DAB1: variants seen among roughly 807,000 people sequenced by gnomAD.
DAB1 encodes the protein disabled homolog 1.
DAB1 carries 15 observed loss-of-function variants against 64.6 expected under a neutral mutation model. That is an observed-to-expected ratio of 0.23 (90% CI 0.16 to 0.36). The LOEUF (loss-of-function observed/expected upper bound fraction) is 0.36, where lower values mean the gene tolerates loss of function less well. DAB1 is among the 10% of genes least tolerant of loss of function. The pLI, the probability that DAB1 is intolerant of heterozygous loss-of-function variation, is 1.00. For missense variants in DAB1, 596 were observed against 706.7 expected (o/e 0.84, Z 1.78); for synonymous variants, 235 against 251.9 (o/e 0.93, Z 0.64).
At chr1:57,840,928 A>G (rs1653020518) in intron 1 of DAB1, among the ~76,000 whole-genome samples, 1 of 152,206 alleles carries the variant, frequency 6.6e-6, no homozygotes, top group African/African-American at 2.4e-5. Flanking sequence ...CCTTCCCAAC[A>G]GTCCCTCAAA....
At chr1:57,780,904 T>C (rs1386381236) in intron 6 of DAB1, among the ~76,000 whole-genome samples, 2 of 151,476 alleles carry the variant, frequency 1.3e-5, no homozygotes, top group African/African-American at 4.8e-5. Context: ...TTTTTTGTAT[T>C]TTTAGTAGAG....
intron 1 of DAB1, among the ~76,000 whole-genome samples, chr1:57,368,048 C>A (rs1055094865): frequency 1.1e-4 from 17 of 152,372 alleles, no homozygotes; most frequent in African/African-American, 3.4e-4. Flanking sequence ...TTGGCACCTG[C>A]TCCCATCTTG....
chr1:57,218,110 G>T (rs369776564), intron 2 of DAB1, among the ~76,000 whole-genome samples: 4 of 152,208 alleles, frequency 2.6e-5, no homozygotes, highest in African/African-American at 4.8e-5. Context: ...TTGAAGAGCC[G>T]TCTGAGTTGT....
intron 8 of DAB1, among the ~76,000 whole-genome samples, 165 bp from the exon 9 acceptor site, chr1:57,063,108 C>T (rs1257747011): frequency 6.6e-6 from 1 of 152,100 alleles, no homozygotes; most frequent in African/African-American, 2.4e-5. Flanking sequence ...AAGCCAGGCT[C>T]CCTCCCTTAG....
At chr1:57,621,792 A>AT (rs1645862841) in intron 7 of DAB1, among the ~76,000 whole-genome samples, 2 of 152,194 alleles carry the variant, frequency 1.3e-5, no homozygotes, top group African/African-American at 4.8e-5. Flanking sequence ...GTATGGTTTC[A>AT]TTGCCAGGTT....
At chr1:57,147,621 A>G (rs1478349653) in intron 2 of DAB1, among the ~76,000 whole-genome samples, 2 of 152,204 alleles carry the variant, frequency 1.3e-5, no homozygotes, top group South Asian at 2.1e-4. Flanking sequence ...GACATTTGCC[A>G]TAATACACCT....
chr1:57,276,641 T>C (rs1280746795), intron 2 of DAB1, among the ~76,000 whole-genome samples: 1 of 152,182 alleles, frequency 6.6e-6, no homozygotes, highest in Non-Finnish European at 1.5e-5. Context: ...GTAGGATTTG[T>C]TTTTCACAAG....
At chr1:58,035,798 C>G (rs959819760) in intron 5 of DAB1, among the ~76,000 whole-genome samples, 6 of 152,154 alleles carry the variant, frequency 3.9e-5, no homozygotes, top group Admixed American at 3.9e-4. Flanking sequence ...AACCCCCGGC[C>G]TATGGGGAGA....
chr1:57,952,436 T>G (rs1557574527), intron 5 of DAB1, among the ~76,000 whole-genome samples: 1 of 152,150 alleles, frequency 6.6e-6, no homozygotes, highest in African/African-American at 2.4e-5. Flanking sequence ...TGATCTCCAT[T>G]ATTACAACTA....
chr1:57,435,558 C>A (rs1046452810), intron 7 of DAB1, among the ~76,000 whole-genome samples: 3 of 152,036 alleles, frequency 2.0e-5, no homozygotes, highest in Non-Finnish European at 4.4e-5. Flanking sequence ...ACTTTTTAAA[C>A]TTGTTTGTTA....
At chr1:57,198,385 T>C (rs150106344) in intron 2 of DAB1, among the ~76,000 whole-genome samples, 1 of 152,234 alleles carries the variant, frequency 6.6e-6, no homozygotes, top group Non-Finnish European at 1.5e-5. Context: ...TAATGAAGCC[T>C]CTCAAAATCT....
intron 2 of DAB1, among the ~76,000 whole-genome samples, chr1:57,251,976 G>T (rs1669377397): frequency 6.6e-6 from 1 of 152,176 alleles, no homozygotes; most frequent in African/African-American, 2.4e-5. Flanking sequence ...ATACATCATG[G>T]GGCAAGATGA....
intron 7 of DAB1, among the ~76,000 whole-genome samples, chr1:57,553,384 G>GAGAAAGAAAGAAAGAAAGAA (rs775593744): frequency 1.4e-4 from 1 of 6,952 alleles, no homozygotes; most frequent in African/African-American, 1.8e-4. Context: ...AAGGAAGAAA[G>GAGAAAGAAAGAAAGAAAGAA]AGAAAGAAAG....
chr1:57,878,393 G>A (rs1188906839), intron 1 of DAB1: 4 of 152,254 alleles, frequency 2.6e-5, no homozygotes, highest in African/African-American at 9.6e-5. Context: ...CACTGGTTGA[G>A]TTCCATTCTA....
intron 4 of DAB1, among the ~76,000 whole-genome samples, chr1:58,263,846 C>T (rs911059044): frequency 1.3e-5 from 2 of 152,170 alleles, no homozygotes; most frequent in African/African-American, 2.4e-5. Context: ...TTTTCTATCC[C>T]TTATCTCATT....
At chr1:58,426,041 C>T (rs1023272425) in intron 3 of DAB1, among the ~76,000 whole-genome samples, 1 of 152,200 alleles carries the variant, frequency 6.6e-6, no homozygotes, top group Non-Finnish European at 1.5e-5. Flanking sequence ...GTCCAAAGTA[C>T]AGGAGTGGAA....
At chr1:57,319,703 C>G (rs1006318838) in intron 1 of DAB1, among the ~76,000 whole-genome samples, 1 of 152,160 alleles carries the variant, frequency 6.6e-6, no homozygotes, top group Non-Finnish European at 1.5e-5. Flanking sequence ...CTTGGACTCC[C>G]TTCTGGCTAG....
intron 1 of DAB1, among the ~76,000 whole-genome samples, chr1:57,374,802 G>A (rs34591213): frequency 8.5e-5 from 13 of 152,250 alleles, no homozygotes; most frequent in East Asian, 5.8e-4. Context: ...TGGCCTGTGC[G>A]TCAGTATTTT....
At chr1:58,181,568 C>G (rs1253738102) in intron 4 of DAB1, among the ~76,000 whole-genome samples, 1 of 152,052 alleles carries the variant, frequency 6.6e-6, no homozygotes, top group Non-Finnish European at 1.5e-5. Context: ...ACCATTTTAA[C>G]TCCTTGTTGG....
Sources: gnomAD v4.1 joint callset for allele counts (sites outside exome capture counted in the v4.1 genomes callset) on GRCh38, gnomAD v4.1.1 for gene constraint, MANE v1.5 for transcripts, NCBI Gene and HGNC (gene_info 2026-07-23, HGNC 2026-07-21) for gene names.